MMP26: variants seen among roughly 807,000 people sequenced by gnomAD.
MMP26 encodes the protein matrix metalloproteinase-26.
In MMP26, 33 loss-of-function variants were observed where a neutral mutation model predicts 31.0. The ratio of observed to expected loss-of-function variants is 1.06; its 90% CI spans 0.81 to 1.42. The LOEUF (loss-of-function observed/expected upper bound fraction) is 1.42, where lower values mean the gene tolerates loss of function less well. Among genes scored for constraint, MMP26 ranks in the 40% most tolerant of loss-of-function variants. The probability of loss-of-function intolerance (pLI) is 0.00; values close to 1 mark genes in which losing one functional copy is unlikely to be tolerated. For synonymous variants in MMP26, 122 were observed against 114.9 expected, an observed-to-expected ratio of 1.06 and a Z score of -0.40; for missense variants, 347 against 316.1, an observed-to-expected ratio of 1.10 and a Z score of -0.74.
chr11:4,705,653 G>C (rs1847765577), intron 1 of MMP26, among the ~76,000 whole-genome samples: 1 of 152,108 alleles, frequency 6.6e-6, no homozygotes, highest in Non-Finnish European at 1.5e-5. Flanking sequence ...TTTTAGCGCA[G>C]GACAACTCAA....
At chr11:4,897,529 A>T (rs185577174) in intron 2 of MMP26, among the ~76,000 whole-genome samples, 1 of 152,272 alleles carries the variant, frequency 6.6e-6, no homozygotes, top group African/African-American at 2.4e-5. Flanking sequence ...TCTTTGTCTT[A>T]CTTATTTTCT....
At position 4,936,656 on chromosome 11, in the gene MMP26, C is replaced by T. The variant is rs181440256; in HGVS notation, c.-144-51412C>T. On this transcript the variant is annotated intron_variant, in intron 2 of 7. Transcript: ENST00000380390. Reference sequence around the variant, plus strand: ...TAATTAGCTGATTCTAAGAGCTGGGCGTAAAATATAAATGCAGAAAAGGTT... The same window carrying T: ...TAATTAGCTGATTCTAAGAGCTGGGTGTAAAATATAAATGCAGAAAAGGTT... Among the ~76,000 whole-genome samples the T allele has an allele frequency of 6.6e-5, 10 of 151,880 alleles. No individual in the cohort carries two copies. In the East Asian group the frequency reaches 9.7e-4, roughly 15 times the overall value.
intron 2 of MMP26, among the ~76,000 whole-genome samples, chr11:4,934,099 T>TG (rs1851395018): frequency 8.3e-6 from 1 of 120,342 alleles, no homozygotes; most frequent in African/African-American, 3.1e-5. Flanking sequence ...AGTAATGGGA[T>TG]GGCTGGGTCA....
At chr11:4,723,176 T>A in intron 1 of MMP26, 1 of 1,593,678 alleles carries the variant, frequency 6.3e-7, no homozygotes, top group Admixed American at 1.7e-5. Flanking sequence ...CTGCTCGGCA[T>A]CTGCGATGGC....
At chr11:4,929,375 T>A (rs187328370) in intron 2 of MMP26, among the ~76,000 whole-genome samples, 5 of 152,226 alleles carry the variant, frequency 3.3e-5, no homozygotes, top group Admixed American at 3.3e-4. Context: ...AATTCAAACC[T>A]TGTACAAAAT....
chr11:4,988,949 T>TA (rs935405858), intron 3 of MMP26, among the ~76,000 whole-genome samples: 52 of 151,932 alleles, frequency 3.4e-4, no homozygotes, highest in African/African-American at 7.5e-4. Flanking sequence ...TCATATAATT[T>TA]AAAAAAAACA....
chr11:4,959,268 T>C (rs1477832246), intron 2 of MMP26, among the ~76,000 whole-genome samples: 4 of 147,264 alleles, frequency 2.7e-5, no homozygotes, highest in Non-Finnish European at 4.5e-5. Context: ...AAAAAAATCT[T>C]ACAAGATTTC....
intron 2 of MMP26, among the ~76,000 whole-genome samples, chr11:4,780,359 A>G (rs904740582): frequency 2.0e-5 from 3 of 151,388 alleles, no homozygotes. Context: ...TATTGTCTCC[A>G]ATTTTAGCCA....
intron 2 of MMP26, among the ~76,000 whole-genome samples, chr11:4,900,210 A>C (rs992030228): frequency 1.6e-4 from 25 of 152,200 alleles, no homozygotes; most frequent in Non-Finnish European, 1.9e-4. Flanking sequence ...CTTTTCATGA[A>C]GTGATATAAC....
chr11:4,923,344 A>G (rs1851211938), intron 2 of MMP26: 1 of 1,518,162 alleles, frequency 6.6e-7, no homozygotes, highest in Non-Finnish European at 8.8e-7. Flanking sequence ...TGTGGGCTTT[A>G]TGTCCAAAAC....
chr11:4,938,741 T>C (rs1160967900), intron 2 of MMP26, among the ~76,000 whole-genome samples: 2 of 152,140 alleles, frequency 1.3e-5, no homozygotes, highest in Non-Finnish European at 1.5e-5. Flanking sequence ...GGGAAATTCA[T>C]GAATTATCCC....
At chr11:4,991,228 C>T (rs1397848515) in intron 5 of MMP26, 143 bp from the exon 6 acceptor site, 34 of 1,045,850 alleles carry the variant, frequency 3.3e-5, no homozygotes, top group Non-Finnish European at 4.4e-5. Context: ...TATTTCTCTG[C>T]ATAGATAATG....
rs144441791 is a variant in MMP26 at position 4,784,748 on chromosome 11, G to T, written c.-145+17407G>T. 9.6e-3 allele frequency among the ~76,000 whole-genome samples: 1,463 copies of T among 152,276 alleles called. 26 individuals carry two copies. Among genetic ancestry groups the T allele is most frequent in the African/African-American group, 0.033 (1,378 of 41,558 alleles). ...TTTGTTTTAAGCCACCAAGTTTGTG[G>T]TAATTTGTCATGGAAATTCTGGGAA... On this transcript the variant is annotated intron_variant, in intron 2 of 7. Transcript: ENST00000380390.
intron 2 of MMP26, among the ~76,000 whole-genome samples, chr11:4,852,922 A>T (rs1422796522): frequency 6.6e-6 from 1 of 152,212 alleles, no homozygotes; most frequent in East Asian, 1.9e-4. Flanking sequence ...AATATGGAGG[A>T]TATTATGCCA....
At chr11:4,833,052 T>C (rs1849668136) in intron 2 of MMP26, 1 of 152,210 alleles carries the variant, frequency 6.6e-6, no homozygotes, top group Non-Finnish European at 1.5e-5. Flanking sequence ...CCTGGAAAAA[T>C]TGGCTCTGAA....
intron 2 of MMP26, among the ~76,000 whole-genome samples, chr11:4,847,127 A>C (rs992317365): frequency 6.6e-6 from 1 of 152,202 alleles, no homozygotes; most frequent in African/African-American, 2.4e-5. Context: ...GCAAAATCAC[A>C]CTGAAGCTCT....
intron 2 of MMP26, among the ~76,000 whole-genome samples, chr11:4,964,922 T>C (rs1322235407): frequency 6.6e-6 from 1 of 151,412 alleles, no homozygotes; most frequent in Admixed American, 6.6e-5. Context: ...TGTTGGAGAG[T>C]TGGGGGTTGA....
At chr11:4,898,831 CTG>C (rs1157500335) in intron 2 of MMP26, among the ~76,000 whole-genome samples, 16,771 of 93,566 alleles carry the variant, frequency 0.18, 1,019 homozygotes, top group South Asian at 0.3. Context: ...CTCTCTCTCT[CTG>C]TGTGTGTGTG....
At chr11:4,860,715 TA>T in intron 2 of MMP26, 1 of 319,768 alleles carries the variant, frequency 3.1e-6, no homozygotes, top group Non-Finnish European at 6.1e-6. Flanking sequence ...ATTTAGATGA[TA>T]TTTGTAACAC....
Sources: allele counts gnomAD v4.1 joint callset (sites outside exome capture counted in the v4.1 genomes callset), GRCh38; gene constraint gnomAD v4.1.1; transcripts MANE v1.5; gene names NCBI Gene and HGNC (gene_info 2026-07-23, HGNC 2026-07-21).